Variants in SLC7A10 observed in about 807,000 individuals in gnomAD.
SLC7A10 encodes asc-type amino acid transporter 1.
In SLC7A10, 30 loss-of-function variants were observed where a neutral mutation model predicts 52.7. The ratio of observed to expected loss-of-function variants is 0.57; its 90% CI spans 0.43 to 0.77. The LOEUF (loss-of-function observed/expected upper bound fraction) is 0.77. SLC7A10 is among the 30% of genes least tolerant of loss of function. The probability of loss-of-function intolerance (pLI) is 0.00; values close to 1 mark genes in which losing one functional copy is unlikely to be tolerated. For missense variants in SLC7A10, 581 were observed against 698.5 expected, an observed-to-expected ratio of 0.83 and a Z score of 1.90; for synonymous variants, 318 against 314.9, an observed-to-expected ratio of 1.01 and a Z score of -0.10.
At chr19:33,215,607 G>GCCCCCCCACCTTCTCTCCATCCAC (rs887440893) in intron 2 of SLC7A10, among the ~76,000 whole-genome samples, 162 bp downstream of exon 2, 1 of 110,402 alleles carries the variant, frequency 9.1e-6, no homozygotes, top group African/African-American at 3.7e-5. Context: ...TCTCCATCCA[G>GCCCCCCCACCTTCTCTCCATCCAC]CCCCCACACC....
At chr19:33,215,631 C>CCCCCACACCTTCCCTCCATCCAG in intron 2 of SLC7A10, 138 bp downstream of exon 2, 2 of 444,186 alleles carry the variant, frequency 4.5e-6, no homozygotes, top group Non-Finnish European at 6.7e-6. Context: ...TCTCCATCCA[C>CCCCCACACCTTCCCTCCATCCAG]CCCCCACACC....
At chr19:33,216,024 C>T in intron 1 of SLC7A10, 51 bp from the exon 2 acceptor site, 2 of 1,470,672 alleles carry the variant, frequency 1.4e-6, no homozygotes, top group Non-Finnish European at 1.8e-6. Flanking sequence ...CCTTCGCAGC[C>T]CGGCCTTCTG....
At chr19:33,219,401 G>A (rs1433406850) in intron 1 of SLC7A10, among the ~76,000 whole-genome samples, 2 of 152,256 alleles carry the variant, frequency 1.3e-5, no homozygotes, top group South Asian at 2.1e-4. Flanking sequence ...GGTCACAGGG[G>A]CGGCCCACGG....
Position 33,208,820 on chromosome 19 carries a change from T to G in SLC7A10, c.*71A>C. 1 of 1,601,862 alleles carries G rather than the reference T, an allele frequency of 6.2e-7. No individual in the cohort carries two copies. Among genetic ancestry groups the G allele is most frequent in the East Asian group, 2.2e-5 (1 of 44,666 alleles). On this transcript the variant is annotated 3_prime_UTR_variant, in exon 11 of 11. Transcript: ENST00000253188. The surrounding 1 kb of genome is among the most constrained non-coding windows in gnomAD (Gnocchi z 4.7). ...TTTCCAGAAAAAAACAAAACAAAAC[T>G]TTTTTGCCAAAACACCTCCTCAATA... is the stretch of plus-strand genomic sequence containing the variant.
In SLC7A10 at chr19:33,210,964, T is replaced by A; in HGVS notation, c.1017-66A>T. On this transcript the variant is annotated intron_variant, in intron 7 of 10. Transcript: ENST00000253188. The surrounding 1 kb of genome is among the most constrained non-coding windows in gnomAD (Gnocchi z 5.6). ...GTCTCAGCTTTGGACCTGATGTCCC[T>A]CTTAAGCTGTCGCCTCTGACCTCCT... 1 of 1,484,068 alleles carries A rather than the reference T, an allele frequency of 6.7e-7. No individual in the cohort carries two copies. Among genetic ancestry groups the A allele is most frequent in the Non-Finnish European group, 9.4e-7 (1 of 1,066,688 alleles). The allele number at this position is 1,484,068 out of a possible 1,614,324, so 91.9% of individuals were successfully genotyped here. A position where few individuals can be genotyped will look rare whatever the true frequency, so the allele number is the denominator to read the frequency against.
rs572757456 is a variant in SLC7A10 at position 33,210,490 on chromosome 19, G to T, written c.1240C>A (p.Pro414Thr). 4 of 1,602,612 alleles carry T rather than the reference G, an allele frequency of 2.5e-6. No individual in the cohort carries two copies. Among genetic ancestry groups the T allele is most frequent in the Non-Finnish European group, 3.4e-6 (4 of 1,177,972 alleles). The stretch of plus-strand genomic sequence containing the variant: ...ACCTTGATGGGCCTGTGGAGTGCAG[G>T]CCGCCTCCAGCGCAGCAGCAGCAGG... ...LGLLLLRWRR[P>T]ALHRPIKVNL... is the part of the protein sequence containing the mutation. The change falls in exon 9 of 11, where the codon CCT (proline) becomes ACT (threonine). Residue 414 changes from proline (P) to threonine (T), a missense_variant. Pro to Thr is a conservative substitution (Grantham distance 38, BLOSUM62 -1). Coordinates refer to ENST00000253188, the MANE Select transcript of SLC7A10 (RefSeq NM_019849.3). The surrounding 1 kb of genome is among the most constrained non-coding windows in gnomAD (Gnocchi z 5.6).
chr19:33,222,802 G>A (rs1393010720), intron 1 of SLC7A10, among the ~76,000 whole-genome samples: 4 of 151,972 alleles, frequency 2.6e-5, no homozygotes, highest in Admixed American at 1.3e-4. Context: ...AGTGGCCGGC[G>A]GGCACTGCCC....
chr19:33,216,618 C>T (rs79779126), intron 1 of SLC7A10, among the ~76,000 whole-genome samples: 232 of 152,160 alleles, frequency 1.5e-3, no homozygotes, highest in Middle Eastern at 6.8e-3. Context: ...TTCTCCTTTC[C>T]TTTCCTTTCT....
At chr19:33,222,216 T>C (rs1408916497) in intron 1 of SLC7A10, among the ~76,000 whole-genome samples, 1 of 151,692 alleles carries the variant, frequency 6.6e-6, no homozygotes, top group Non-Finnish European at 1.5e-5. Context: ...CTGGGCAACA[T>C]GGCAAAACCC....
intron 1 of SLC7A10, among the ~76,000 whole-genome samples, chr19:33,216,547 G>A (rs1974688031): frequency 6.6e-6 from 1 of 152,190 alleles, no homozygotes; most frequent in Non-Finnish European, 1.5e-5. Flanking sequence ...CCTCCATGAA[G>A]CCCTCCTTGA....
chr19:33,210,536 G>T lies in SLC7A10; in HGVS notation c.1194C>A (p.Cys398Ter), dbSNP rs1974521099. 1 of 1,611,504 alleles carries T rather than the reference G, an allele frequency of 6.2e-7. No individual in the cohort carries two copies. The highest frequency in any genetic ancestry group is 1.1e-5 in the South Asian group (1 of 91,082). ...GCAGGCCCAGGATGGTGACGCCGTA[G>T]CAGAGGTAGTTGATGAAGGACACAT... ...INYVSFINYL[C>*]YGVTILGLLL... Residue 398 changes from cysteine (C) to a stop codon, truncating the protein, a stop_gained, in exon 9 of 11, where the codon TGC becomes TGA. Transcript: ENST00000253188. LOFTEE classifies it high-confidence loss of function. The surrounding 1 kb of genome is among the most constrained non-coding windows in gnomAD (Gnocchi z 5.6).
At chr19:33,211,655 C>T in intron 5 of SLC7A10, 118 bp from the exon 6 acceptor site, 3 of 1,574,830 alleles carry the variant, frequency 1.9e-6, no homozygotes, top group Non-Finnish European at 2.6e-6. Flanking sequence ...GATGTTGGGG[C>T]AGGAAAGGGG....
intron 1 of SLC7A10, among the ~76,000 whole-genome samples, chr19:33,216,192 A>G (rs531051187): frequency 1.3e-5 from 2 of 152,182 alleles, no homozygotes; most frequent in South Asian, 4.1e-4. Context: ...AGTCCCTCAC[A>G]TAGGAAATGG....
chr19:33,211,339 A>G lies in SLC7A10; in HGVS notation c.913-11T>C, dbSNP rs2241378. The G allele has an allele frequency of 0.52, 845,767 of 1,613,150 alleles. 227,306 individuals are homozygous for G. The highest frequency in any genetic ancestry group is 0.64 in the South Asian group (57,936 of 91,062). On this transcript the variant is annotated splice_polypyrimidine_tract_variant and intron_variant, in intron 6 of 10. Coordinates refer to ENST00000253188, the MANE Select transcript of SLC7A10 (RefSeq NM_019849.3). ...CTTCTCCCCGAAGGTCTGGGTGGGC[A>G]CAGTAGAGAGGCCATGTGTAAGGCC...
intron 3 of SLC7A10, 95 bp downstream of exon 3, chr19:33,212,756 A>G (rs986471499): frequency 1.9e-6 from 3 of 1,605,456 alleles, no homozygotes; most frequent in Non-Finnish European, 1.7e-6. Flanking sequence ...GAATTTTCTG[A>G]AGGGAAATTT....
Position 33,209,341 on chromosome 19 carries a change from TCCAGAACACTC to T in SLC7A10, c.1397_1407del (p.Gly466GlufsTer59). ...CTGTGCACACACTTTGGTTTGCTTC[TCCAGAACACTC>T]CCAGAAAGAAAATGGGCACCCCCGT... is the stretch of plus-strand genomic sequence containing the variant. On this transcript the variant is annotated frameshift_variant, in exon 10 of 11. Transcript: ENST00000253188. LOFTEE classifies it high-confidence loss of function. The T allele has an allele frequency of 6.2e-7, 1 of 1,613,958 alleles. No homozygotes were observed. The highest frequency in any genetic ancestry group is 8.5e-7 in the Non-Finnish European group (1 of 1,179,984).
intron 9 of SLC7A10, among the ~76,000 whole-genome samples, chr19:33,209,944 T>A (rs564595675): frequency 7.9e-5 from 2 of 25,306 alleles, no homozygotes; most frequent in South Asian, 3.8e-3. Flanking sequence ...TTTTCTTTAA[T>A]TTTTTTTTTT....
chr19:33,210,872 C>T lies in SLC7A10; in HGVS notation c.1043G>A (p.Gly348Glu). Reference sequence around the variant, plus strand: ...CATGGCCAGCAGGCTGGGCAGGTGCCCCTCGCGGGCTCCAGAGAAGCACAG... The same window carrying T: ...CATGGCCAGCAGGCTGGGCAGGTGCTCCTCGCGGGCTCCAGAGAAGCACAG... Reference protein sequence around the residue: ...SRLCFSGAREGHLPSLLAMIH... With the variant: ...SRLCFSGAREEHLPSLLAMIH... Residue 348 changes from glycine (G) to glutamate (E), a missense_variant, in exon 8 of 11, where the codon GGG becomes GAG. Physicochemically the swap from Gly to Glu is moderately conservative, Grantham distance 98. Coordinates refer to ENST00000253188, the MANE Select transcript of SLC7A10 (RefSeq NM_019849.3). This position sits in a 1 kb window ranked among gnomAD's most constrained non-coding sequence, Gnocchi z 5.6. 7 of 1,613,332 alleles carry T rather than the reference C, an allele frequency of 4.3e-6. No homozygotes were observed. In the South Asian group the frequency reaches 4.4e-5, roughly 10 times the overall value.
rs747305432 is a variant in SLC7A10, at chr19:33,209,370, A to C, written c.1379T>G (p.Val460Gly). ...GVGVIIILTG[V>G]PIFFLGVFWR... ...GAACACTCCCAGAAAGAAAATGGGC[A>C]CCCCCGTAAGGATGATGATGACGCC... The change falls in exon 10 of 11, where the codon GTG becomes GGG. Residue 460 changes from valine (V) to glycine (G), a missense_variant. Transcript: ENST00000253188. 6.2e-7 allele frequency: 1 copy of C among 1,613,920 alleles called. No homozygotes were observed. Among genetic ancestry groups the C allele is most frequent in the Non-Finnish European group, 8.5e-7 (1 of 1,179,984 alleles).
Sources: gnomAD v4.1 joint callset for allele counts (sites outside exome capture counted in the v4.1 genomes callset) on GRCh38, gnomAD v4.1.1 for gene constraint, Gnocchi (gnomAD v3.1) non-coding constraint, MANE v1.5 for transcripts, NCBI Gene and HGNC (gene_info 2026-07-23, HGNC 2026-07-21) for gene names.